Variants in MIAT observed in about 807,000 individuals in gnomAD.
The protein encoded by MIAT is myocardial infarction associated transcript, also known as MI related novel mRNA.
downstream of MIAT, chr22:26,674,065 AG>A (rs1931170804): frequency 2.5e-6 from 1 of 398,562 alleles, no homozygotes; most frequent in African/African-American, 2.1e-5. Context: ...TCCCCAGGCC[AG>A]GGCCTAGAGT....
intron 3 of MIAT, among the ~76,000 whole-genome samples, chr22:26,663,930 A>C: frequency 7.2e-6 from 1 of 139,738 alleles, no homozygotes; most frequent in Non-Finnish European, 1.5e-5. Context: ...GAAACCACTG[A>C]CCTGCTTTCT....
exon 5 of MIAT, chr22:26,675,171 G>C (rs2146023834): frequency 2.5e-6 from 1 of 398,926 alleles, no homozygotes; most frequent in East Asian, 3.6e-5. Flanking sequence ...GTGGCTTTCT[G>C]GAGAGGGAGG....
At chr22:26,657,356 T>G (rs868071319) in intron 2 of MIAT, 32 of 368,546 alleles carry the variant, frequency 8.7e-5, no homozygotes, top group African/African-American at 7.4e-4. Flanking sequence ...TGGGCGCGGG[T>G]AAGGAGGGGT....
exon 6 of MIAT, chr22:26,669,094 TG>T (rs1215043776): frequency 2.5e-6 from 1 of 398,522 alleles, no homozygotes; most frequent in Non-Finnish European, 4.4e-6. Flanking sequence ...ATTCTGTTCT[TG>T]GGGAACAGAA....
chr22:26,650,779 G>A (rs115118353), intron 2 of MIAT, among the ~76,000 whole-genome samples: 1 of 152,060 alleles, frequency 6.6e-6, no homozygotes. Context: ...CCTTCCTAGG[G>A]GAAAAAAGGA....
intron 3 of MIAT, chr22:26,663,619 G>A: frequency 2.6e-6 from 1 of 380,814 alleles, no homozygotes; most frequent in Non-Finnish European, 4.6e-6. Context: ...AAGCTGAGAT[G>A]ATGAGGCCCT....
Position 26,665,754 on chromosome 22 carries a change from A to G in MIAT, n.953A>G, listed in dbSNP as rs141791689. 648 of 398,678 alleles carry G rather than the reference A, an allele frequency of 1.6e-3. 2 individuals carry two copies. Among genetic ancestry groups the G allele is most frequent in the African/African-American group, 0.012 (583 of 48,760 alleles). The allele number at this position is 398,678 out of a possible 1,614,324, so 24.7% of individuals were successfully genotyped here. ...GTAGCTCATTCTCTTTTCTACCTCT[A>G]TGGAAGAAAGAAAGAGCCTGTCCCC... On this transcript the variant is annotated non_coding_transcript_exon_variant, in exon 4 of 6. Transcript: ENST00000643270.
chr22:26,662,159 G>A (rs1163282459), intron 2 of MIAT, among the ~76,000 whole-genome samples: 1 of 151,770 alleles, frequency 6.6e-6, no homozygotes, highest in Non-Finnish European at 1.5e-5. Flanking sequence ...GCCTTGATCT[G>A]TTACCCAGGC....
chr22:26,647,548 G>A (rs770334988), intron 2 of MIAT, among the ~76,000 whole-genome samples: 7 of 152,174 alleles, frequency 4.6e-5, no homozygotes, highest in Non-Finnish European at 8.8e-5. Context: ...AGACCATGAG[G>A]CTGGGCTGCT....
chr22:26,674,290 T>C (rs737766), downstream of MIAT: 3,583 of 398,638 alleles, frequency 9.0e-3, 32 homozygotes, highest in Middle Eastern at 0.052. Flanking sequence ...GGACTTTTGA[T>C]CTCTTTAGAC....
chr22:26,662,195 A>G (rs1446624411), intron 2 of MIAT, among the ~76,000 whole-genome samples: 1 of 151,896 alleles, frequency 6.6e-6, no homozygotes, highest in South Asian at 2.1e-4. Context: ...GGCCTCAAGC[A>G]ATTCTCCTGC....
Position 26,665,299 on chromosome 22 carries a change from A to T in MIAT, n.730-232A>T, listed in dbSNP as rs1416002118. 3.3e-5 allele frequency among the ~76,000 whole-genome samples: 4 copies of T among 120,148 alleles called. No homozygotes were observed. In the East Asian group the frequency reaches 1.1e-3, roughly 32 times the overall value. 78.8% of individuals were successfully genotyped at this position (120,148 alleles called of 152,430 possible). ...AGAAAGAAAGAAAGAAAAACAATTAACTTTGAGTCACACATTGAGTACGTA... is the reference window on the plus strand; with the variant it reads ...AGAAAGAAAGAAAGAAAAACAATTATCTTTGAGTCACACATTGAGTACGTA... On this transcript the variant is annotated intron_variant and non_coding_transcript_variant, in intron 3 of 5. Coordinates refer to ENST00000643270, the Ensembl canonical transcript of MIAT.
chr22:26,648,460 A>T (rs888210078), intron 2 of MIAT, among the ~76,000 whole-genome samples: 1 of 151,944 alleles, frequency 6.6e-6, no homozygotes, highest in Non-Finnish European at 1.5e-5. Context: ...GACCTCAGGC[A>T]AGGTCTCCTG....
intron 3 of MIAT, among the ~76,000 whole-genome samples, chr22:26,664,338 A>G (rs1020364411): frequency 1.3e-5 from 2 of 152,186 alleles, no homozygotes; most frequent in South Asian, 2.1e-4. Context: ...ATGTCTCAGT[A>G]GTTCAATTCC....
At chr22:26,648,347 C>T (rs186650221) in intron 2 of MIAT, among the ~76,000 whole-genome samples, 3 of 152,256 alleles carry the variant, frequency 2.0e-5, no homozygotes, top group East Asian at 3.9e-4. Flanking sequence ...GATGGAGACA[C>T]GGCCCTGCAC....
At chr22:26,663,954 G>T (rs1201985810) in intron 3 of MIAT, among the ~76,000 whole-genome samples, 1 of 62,352 alleles carries the variant, frequency 1.6e-5, no homozygotes, top group Non-Finnish European at 3.5e-5. Context: ...AAGTAGATTG[G>T]ATTCTTTTTT....
chr22:26,675,401 T>C lies in MIAT; in HGVS notation n.9069T>C, dbSNP rs1931225310. 1.8e-5 allele frequency: 7 copies of C among 398,668 alleles called. No homozygotes were observed. In the East Asian group the frequency reaches 2.1e-4, roughly 12 times the overall value. 24.7% of individuals were successfully genotyped at this position (398,668 alleles called of 1,614,324 possible). A position where few individuals can be genotyped will look rare whatever the true frequency, so the allele number is the denominator to read the frequency against. ...AGGCCTTGGGGAGCGACGGATATGA[T>C]CTGAGAAAGGGAGTTAGTGGATTTG... is the stretch of plus-strand genomic sequence containing the variant. On this transcript the variant is annotated non_coding_transcript_exon_variant, in exon 5 of 5. Transcript: ENST00000613780.
At chr22:26,662,730 C>T (rs1183648689) in intron 2 of MIAT, among the ~76,000 whole-genome samples, 1 of 152,162 alleles carries the variant, frequency 6.6e-6, no homozygotes, top group East Asian at 1.9e-4. Flanking sequence ...TCTCAGATCT[C>T]CGAGTAGTCA....
chr22:26,675,999 C>G (rs1056747482), exon 5 of MIAT: 3 of 398,584 alleles, frequency 7.5e-6, no homozygotes, highest in African/African-American at 6.2e-5. Context: ...CAGGCACATT[C>G]TCTTCGACCC....
Sources: allele counts gnomAD v4.1 joint callset (sites outside exome capture counted in the v4.1 genomes callset), GRCh38; gene constraint gnomAD v4.1.1; transcripts MANE v1.5; gene names NCBI Gene and HGNC (gene_info 2026-07-23, HGNC 2026-07-21).